The following MCC variants were observed in gnomAD, a reference collection of about 807,000 sequenced individuals.
MCC encodes colorectal mutant cancer protein.
Under a neutral mutation model 116.2 loss-of-function variants are expected in MCC, and 90 were observed. The ratio of observed to expected loss-of-function variants is 0.77; its 90% confidence interval spans 0.65 to 0.92. The LOEUF (loss-of-function observed/expected upper bound fraction) is 0.92. Ranked by LOEUF, MCC falls within the 40% of genes least tolerant of loss-of-function variation. MCC has a pLI of 0.00. For synonymous variants in MCC, 578 were observed against 510.5 expected (o/e 1.13, Z -1.78); for missense variants, 1,516 against 1,312.2 (o/e 1.16, Z -2.40).
chr5:113,426,240 C>T (rs933704075), intron 1 of MCC, among the ~76,000 whole-genome samples: 11 of 152,130 alleles, frequency 7.2e-5, no homozygotes, highest in Non-Finnish European at 1.6e-4. Flanking sequence ...ATAAGGATCA[C>T]GCTCAGGTTG....
chr5:113,052,047 C>T lies in MCC; in HGVS notation c.2448+1678G>A, dbSNP rs1752520504. 2.6e-5 allele frequency among the ~76,000 whole-genome samples: 4 copies of T among 152,114 alleles called. No individual in the cohort carries two copies. In the South Asian group the frequency reaches 8.3e-4, roughly 31 times the overall value. ...GATCATGATATTATGGATTGTTCTCCTCCCAGCTTTTCTACTTTTTTAGAA... is the reference window on the plus strand; with the variant it reads ...GATCATGATATTATGGATTGTTCTCTTCCCAGCTTTTCTACTTTTTTAGAA... On this transcript the variant is annotated intron_variant, in intron 15 of 18. Coordinates refer to ENST00000408903, the MANE Select transcript of MCC (RefSeq NM_001085377.2).
At chr5:113,089,077 G>C (rs1376148761) in intron 8 of MCC, among the ~76,000 whole-genome samples, 1 of 152,196 alleles carries the variant, frequency 6.6e-6, no homozygotes, top group Non-Finnish European at 1.5e-5. Flanking sequence ...ACCCTTCACA[G>C]CCTTTCTCAA....
rs79626201 is a variant in MCC, at chr5:113,088,699, G to A, written c.1399-3389C>T. Reference sequence around the variant, plus strand: ...TCAGAAGTTCGAAGAGGCAAGGAAGGATTCTCTTTCAAAGCCCTTTGAGGG... The same window carrying A: ...TCAGAAGTTCGAAGAGGCAAGGAAGAATTCTCTTTCAAAGCCCTTTGAGGG... On this transcript the variant is annotated intron_variant, in intron 8 of 18. Transcript: ENST00000408903. 2.3e-3 allele frequency among the ~76,000 whole-genome samples: 343 copies of A among 152,160 alleles called. 2 individuals are homozygous for A. The highest frequency in any genetic ancestry group is 7.9e-3 in the African/African-American group (328 of 41,514).
At chr5:113,376,521 T>C (rs937507778) in intron 2 of MCC, among the ~76,000 whole-genome samples, 3 of 151,660 alleles carry the variant, frequency 2.0e-5, no homozygotes, top group Admixed American at 2.0e-4. Flanking sequence ...GTTAGAAACT[T>C]ACAATTGGGT....
chr5:113,331,610 TTTTG>T (rs1284203423), intron 3 of MCC, among the ~76,000 whole-genome samples: 3 of 67,056 alleles, frequency 4.5e-5, no homozygotes, highest in African/African-American at 6.9e-5. Flanking sequence ...TGATCTGCTT[TTTTG>T]TTTGTTTTGT....
chr5:113,487,674 G>A (rs1580437288), intron 1 of MCC, among the ~76,000 whole-genome samples: 1 of 152,352 alleles, frequency 6.6e-6, no homozygotes, highest in Admixed American at 6.5e-5. Flanking sequence ...AGGCTACTGC[G>A]TTTAAATCAA....
chr5:113,476,447 G>T (rs1407344388), intron 1 of MCC, among the ~76,000 whole-genome samples: 1 of 152,108 alleles, frequency 6.6e-6, no homozygotes, highest in African/African-American at 2.4e-5. Flanking sequence ...GAAAACAGAC[G>T]AGTGCTTTCA....
chr5:113,142,619 CT>C (rs1333576005), intron 5 of MCC, among the ~76,000 whole-genome samples: 1 of 147,118 alleles, frequency 6.8e-6, no homozygotes, highest in African/African-American at 2.4e-5. Context: ...TAAGCTCCAG[CT>C]TTTTCACCAG....
intron 3 of MCC, among the ~76,000 whole-genome samples, chr5:113,190,386 T>C (rs1762094439): frequency 2.6e-5 from 4 of 152,142 alleles, no homozygotes; most frequent in African/African-American, 9.7e-5. Context: ...CTGGCCTACA[T>C]AGCAAAGGCA....
chr5:113,084,721 A>T (rs1293716001), intron 9 of MCC, among the ~76,000 whole-genome samples: 1 of 152,238 alleles, frequency 6.6e-6, no homozygotes, highest in East Asian at 1.9e-4. Context: ...TACTTCTCAC[A>T]GCTGCCACAG....
intron 14 of MCC, among the ~76,000 whole-genome samples, chr5:113,062,147 T>G (rs1753270640): frequency 6.6e-6 from 1 of 152,206 alleles, no homozygotes; most frequent in Non-Finnish European, 1.5e-5. Flanking sequence ...ACCTCTGTAC[T>G]TTGATGGGAA....
intron 3 of MCC, among the ~76,000 whole-genome samples, chr5:113,333,836 T>TACATATACGTATATATGTACATATGTAC (rs372077130): frequency 1.7e-5 from 1 of 59,316 alleles, no homozygotes; most frequent in Non-Finnish European, 3.0e-5. Flanking sequence ...TGTATATATG[T>TACATATACGTATATATGTACATATGTAC]ATATATGTAT....
At chr5:113,265,044 A>G (rs940225359) in intron 3 of MCC, among the ~76,000 whole-genome samples, 6 of 152,106 alleles carry the variant, frequency 3.9e-5, no homozygotes, top group African/African-American at 1.4e-4. Flanking sequence ...TCTCAAAAAA[A>G]AAAGTTGCAC....
At chr5:113,299,845 C>T (rs1278178411) in intron 3 of MCC, among the ~76,000 whole-genome samples, 1 of 152,182 alleles carries the variant, frequency 6.6e-6, no homozygotes, top group East Asian at 1.9e-4. Flanking sequence ...GGAAAACCTG[C>T]TTTGCAATCA....
intron 1 of MCC, chr5:113,433,467 C>G (rs1283248646): frequency 1.6e-6 from 1 of 613,840 alleles, no homozygotes. Flanking sequence ...TCTGCTGAGA[C>G]AGGCTCTGTG....
chr5:113,452,229 G>A (rs1158015727), intron 1 of MCC, among the ~76,000 whole-genome samples: 2 of 152,194 alleles, frequency 1.3e-5, no homozygotes, highest in African/African-American at 2.4e-5. Flanking sequence ...AGATTCCAGG[G>A]GGAGGAAATA....
chr5:113,333,466 G>A (rs1767750256), intron 3 of MCC, among the ~76,000 whole-genome samples: 1 of 151,558 alleles, frequency 6.6e-6, no homozygotes, highest in East Asian at 1.9e-4. Context: ...TAATTCGCAT[G>A]ATTTTATTTG....
At chr5:113,468,064 G>T (rs1364058120) in intron 1 of MCC, among the ~76,000 whole-genome samples, 1 of 152,192 alleles carries the variant, frequency 6.6e-6, no homozygotes. Context: ...TTGCTTATCA[G>T]CTTGAGGAGA....
chr5:113,169,794 ACAAT>A, intron 3 of MCC, among the ~76,000 whole-genome samples: 1 of 152,322 alleles, frequency 6.6e-6, no homozygotes, highest in East Asian at 1.9e-4. Context: ...TTTGTAGTCA[ACAAT>A]CAGAGGGCTG....
Sources: gnomAD v4.1 joint callset for allele counts (sites outside exome capture counted in the v4.1 genomes callset) on GRCh38, gnomAD v4.1.1 for gene constraint, MANE v1.5 for transcripts, NCBI Gene and HGNC (gene_info 2026-07-23, HGNC 2026-07-21) for gene names.